CEP152: variants seen among roughly 807,000 people sequenced by gnomAD.
The protein encoded by CEP152 is centrosomal protein of 152 kDa.
A neutral mutation model predicts 188.9 loss-of-function variants in CEP152; 132 were observed. The observed-to-expected ratio is 0.70, with a 90% CI of 0.61 to 0.81. The LOEUF (loss-of-function observed/expected upper bound fraction) is 0.81, where lower values mean the gene tolerates loss of function less well. CEP152 is among the 30% of genes least tolerant of loss of function. CEP152 has a pLI of 0.00. For synonymous variants in CEP152, 649 were observed against 666.6 expected, an observed-to-expected ratio of 0.97 and a Z score of 0.41; for missense variants, 1,914 against 1,969.8, an observed-to-expected ratio of 0.97 and a Z score of 0.54.
intron 17 of CEP152, among the ~76,000 whole-genome samples, chr15:48,763,623 G>A (rs990159588): frequency 5.3e-5 from 8 of 151,570 alleles, no homozygotes; most frequent in Admixed American, 2.6e-4. Flanking sequence ...GCAGTGAGCC[G>A]AGATCACACC....
rs573133166 is a variant in CEP152, at chr15:48,767,340, T to A, written c.2142A>T (p.Gln714His). ...GCTAAACTCTTTATTCTCACCTCAGTTGCAAATGAGTTCTCTCATAAGCCT... is the reference window on the plus strand; with the variant it reads ...GCTAAACTCTTTATTCTCACCTCAGATGCAAATGAGTTCTCTCATAAGCCT... ...LFEAYERTHL[Q>H]LRSELDKLNK... Residue 714 changes from glutamine (Q) to histidine (H), a missense_variant, in exon 16 of 27, where the codon CAA (glutamine) becomes CAT (histidine). Physicochemically the swap from Gln to His is conservative, Grantham distance 24. Coordinates refer to ENST00000380950, the MANE Select transcript of CEP152 (RefSeq NM_001194998.2). 5 of 1,614,206 alleles carry A rather than the reference T, an allele frequency of 3.1e-6. No individual in the cohort carries two copies. In the African/African-American group the frequency reaches 6.7e-5, roughly 22 times the overall value.
intron 20 of CEP152, among the ~76,000 whole-genome samples, 172 bp from the exon 21 acceptor site, chr15:48,752,641 C>G (rs1186040903): frequency 2.0e-5 from 3 of 152,182 alleles, no homozygotes; most frequent in African/African-American, 4.8e-5. Flanking sequence ...TGTCACTGTA[C>G]TAGGAACTAG....
Position 48,772,972 on chromosome 15 carries a change from TTG to T in CEP152, c.1578-283_1578-282del, listed in dbSNP as rs1895664294. Among the ~76,000 whole-genome samples the T allele has an allele frequency of 3.3e-5, 5 of 152,318 alleles. No individual in the cohort carries two copies. The South Asian group carries it at 8.3e-4, about 25-fold the overall frequency. The stretch of plus-strand genomic sequence containing the variant: ...ATGTGAACTTTGACATAATTTACAT[TTG>T]TGTTATTGGAAAACTGCATGCTGTA... On this transcript the variant is annotated intron_variant, in intron 12 of 26. Coordinates refer to ENST00000380950, the MANE Select transcript of CEP152 (RefSeq NM_001194998.2).
chr15:48,770,317 G>A (rs981039258), intron 13 of CEP152, among the ~76,000 whole-genome samples: 3 of 151,982 alleles, frequency 2.0e-5, no homozygotes, highest in South Asian at 2.1e-4. Flanking sequence ...GTACACTACC[G>A]AGAATTCACT....
Position 48,756,542 on chromosome 15 carries a change from A to G in CEP152, c.2706T>C (p.Ala902=). 7 of 1,605,648 alleles carry G rather than the reference A, an allele frequency of 4.4e-6. No individual in the cohort carries two copies. The highest frequency in any genetic ancestry group is 5.9e-6 in the Non-Finnish European group (7 of 1,179,790). Reference sequence around the variant, plus strand: ...TCCATTTCTCTTTAGCTTCAGAAACAGCAAATGATATCTAAAGAACATAAC... The same window carrying G: ...TCCATTTCTCTTTAGCTTCAGAAACGGCAAATGATATCTAAAGAACATAAC... ...EVSVNKRISF[A]VSEAKEKWKS... is the part of the protein sequence containing the mutation. The change falls in exon 20 of 27, where the codon GCT becomes GCC. Residue 902 remains alanine, a synonymous_variant. Coordinates refer to ENST00000380950, the MANE Select transcript of CEP152 (RefSeq NM_001194998.2).
Position 48,791,331 on chromosome 15 carries a change from A to C in CEP152, c.878T>G (p.Leu293Arg). ...CTCTCTTTCTTTTCCATTCTGAAAG[A>C]GTTTCTGTGATTCTCGAAGGCTGAG... ...LTLSLRESQK[L>R]FQNGKEREIQ... The change falls in exon 8 of 27, where the codon CTC (leucine) becomes CGC (arginine). Residue 293 changes from leucine (L) to arginine (R), a missense_variant. Coordinates refer to ENST00000380950, the MANE Select transcript of CEP152 (RefSeq NM_001194998.2). 6.2e-7 allele frequency: 1 copy of C among 1,612,840 alleles called. No individual in the cohort carries two copies. The highest frequency in any genetic ancestry group is 8.5e-7 in the Non-Finnish European group (1 of 1,179,690).
At chr15:48,757,428 A>T (rs990284211) in intron 19 of CEP152, among the ~76,000 whole-genome samples, 14 of 152,254 alleles carry the variant, frequency 9.2e-5, no homozygotes, top group African/African-American at 3.4e-4. Flanking sequence ...TAAGGACTCA[A>T]TAAATCTTAT....
chr15:48,738,849 G>A lies in CEP152; in HGVS notation c.4533C>T (p.Thr1511=), dbSNP rs1465119671. ...TLGNKPSPRC[T]PGPSESGCMH... is the part of the protein sequence containing the mutation. Reference sequence around the variant, plus strand: ...TGCATCCTGATTCAGAAGGACCAGGGGTACATCTAGGTGAGGGTTTATTTC... The same window carrying A: ...TGCATCCTGATTCAGAAGGACCAGGAGTACATCTAGGTGAGGGTTTATTTC... Residue 1511 remains threonine (T), a synonymous_variant, in exon 27 of 27, where the codon ACC becomes ACT. Coordinates refer to ENST00000380950, the MANE Select transcript of CEP152 (RefSeq NM_001194998.2). 5 of 1,614,158 alleles carry A rather than the reference G, an allele frequency of 3.1e-6. No homozygotes were observed. Among genetic ancestry groups the A allele is most frequent in the Non-Finnish European group, 4.2e-6 (5 of 1,180,032 alleles).
At chr15:48,757,876 T>C (rs1894390911) in intron 19 of CEP152, among the ~76,000 whole-genome samples, 1 of 152,242 alleles carries the variant, frequency 6.6e-6, no homozygotes, top group Admixed American at 6.5e-5. Flanking sequence ...AATGGATGCC[T>C]GGAAGTCATT....
chr15:48,805,722 A>G, intron 1 of CEP152, 66 bp from the exon 2 acceptor site: 1 of 1,600,740 alleles, frequency 6.2e-7, no homozygotes, highest in Non-Finnish European at 8.5e-7. Flanking sequence ...CAAACTACAT[A>G]AGAGATGCCA....
At chr15:48,730,993 T>C (rs1892403184) in intron 2 of CEP152, among the ~76,000 whole-genome samples, 1 of 152,172 alleles carries the variant, frequency 6.6e-6, no homozygotes, top group Non-Finnish European at 1.5e-5. Context: ...AGAAAAAAGC[T>C]GTCAAGAAAA....
Position 48,768,958 on chromosome 15 carries a change from G to C in CEP152, c.1906C>G (p.Gln636Glu), listed in dbSNP as rs766990207. ...NEIQVLQQQN[Q>E]ELKETEGKLR... ...ATATAAAAAATATTTTTAATCACCT[G>C]ATTTTGTTGTTGTAAAACTTGAATT... Residue 636 changes from glutamine (Q) to glutamate (E), a missense_variant and splice_region_variant, in exon 14 of 27, where the codon CAG becomes GAG. Physicochemically the swap from Gln to Glu is conservative, Grantham distance 29 (BLOSUM62 2). Coordinates refer to ENST00000380950, the MANE Select transcript of CEP152 (RefSeq NM_001194998.2). 2.6e-6 allele frequency: 4 copies of C among 1,518,532 alleles called. 1 individual carries two copies. The South Asian group carries it at 4.7e-5, about 18-fold the overall frequency. 94.1% of individuals were successfully genotyped at this position (1,518,532 alleles called of 1,614,324 possible).
chr15:48,800,226 T>C (rs981702458), intron 2 of CEP152, among the ~76,000 whole-genome samples: 1 of 152,192 alleles, frequency 6.6e-6, no homozygotes. Flanking sequence ...ATCATCCCTA[T>C]AGTATTCAGA....
In CEP152 at chr15:48,756,329, T is replaced by C. The variant is rs771545467; in HGVS notation, c.2919A>G (p.Glu973=). The C allele has an allele frequency of 1.3e-6, 2 of 1,573,834 alleles. No homozygotes were observed. Among genetic ancestry groups the C allele is most frequent in the Non-Finnish European group, 1.7e-6 (2 of 1,163,982 alleles). The change falls in exon 20 of 27, where the codon GAA becomes GAG. Residue 973 remains glutamate, a synonymous_variant. Transcript: ENST00000380950. ...ATTGCCGGTAATCTTGCTCATTTTG[T>C]TCTTGGATTCTGTGGATTTCTTCTT... ...EKQEEIHRIQ[E]QNEQDYRQFL...
At chr15:48,782,361 A>G in intron 10 of CEP152, 131 bp from the exon 11 acceptor site, 1 of 771,348 alleles carries the variant, frequency 1.3e-6, no homozygotes, top group South Asian at 1.5e-5. Context: ...TCTCTTTAGA[A>G]TACATAGAGC....
At chr15:48,732,676 G>GA (rs1202520478) in intron 2 of CEP152, among the ~76,000 whole-genome samples, 11 of 143,860 alleles carry the variant, frequency 7.6e-5, no homozygotes, top group Admixed American at 4.1e-4. Flanking sequence ...TAGAGTAAAG[G>GA]AAAAAAAAAG....
chr15:48,793,217 G>C, intron 7 of CEP152, 104 bp downstream of exon 7: 2 of 1,370,056 alleles, frequency 1.5e-6, no homozygotes, highest in Non-Finnish European at 2.1e-6. Flanking sequence ...TGAGCCCTCT[G>C]ACCAAGTGTT....
rs143403329 is a variant in CEP152, at chr15:48,801,808, C to A, written c.87+3755G>T. 5.1e-3 allele frequency among the ~76,000 whole-genome samples: 775 copies of A among 152,196 alleles called. 5 individuals carry two copies. The highest frequency in any genetic ancestry group is 0.017 in the South Asian group (84 of 4,816). On this transcript the variant is annotated intron_variant, in intron 2 of 26. Transcript: ENST00000380950. ...ATGCCTATTACAAAAAGACCTTTATCTGGGGCTGGGTGCAGTGGCTCACAC... is the reference window on the plus strand; with the variant it reads ...ATGCCTATTACAAAAAGACCTTTATATGGGGCTGGGTGCAGTGGCTCACAC...
intron 2 of CEP152, among the ~76,000 whole-genome samples, chr15:48,800,984 A>G (rs1371746289): frequency 6.6e-6 from 1 of 152,268 alleles, no homozygotes; most frequent in Non-Finnish European, 1.5e-5. Flanking sequence ...ACCTTTTGTT[A>G]GGATTTTCAA....
Sources: allele counts gnomAD v4.1 joint callset (sites outside exome capture counted in the v4.1 genomes callset), GRCh38; gene constraint gnomAD v4.1.1; transcripts MANE v1.5; gene names NCBI Gene and HGNC (gene_info 2026-07-23, HGNC 2026-07-21).